Variants in QTGAL observed in about 807,000 individuals in gnomAD.
QTGAL encodes BGnT-like protein 1.
the QTGAL span, among the ~76,000 whole-genome samples, chr17:82,952,958 A>C: frequency 6.6e-6 from 1 of 152,232 alleles, no homozygotes; most frequent in Non-Finnish European, 1.5e-5. Context: ...GTAAATAACA[A>C]AATTAAGGCA....
the QTGAL span, among the ~76,000 whole-genome samples, chr17:83,015,195 G>A: frequency 6.7e-6 from 1 of 148,946 alleles, no homozygotes; most frequent in Non-Finnish European, 1.5e-5. This position sits in a 1 kb window ranked among gnomAD's most constrained non-coding sequence, Gnocchi z 4.4. Context: ...CTGTGGAGGG[G>A]GACCATCTGC....
chr17:82,970,583 G>A, the QTGAL span, among the ~76,000 whole-genome samples: 859 of 132,220 alleles, frequency 6.5e-3, 122 homozygotes, highest in Middle Eastern at 0.022. Context: ...CGGCGTGGCC[G>A]CGACCTCCGC....
chr17:83,041,875 A>C, the QTGAL span, among the ~76,000 whole-genome samples: 3 of 152,260 alleles, frequency 2.0e-5, no homozygotes, highest in Non-Finnish European at 4.4e-5. Flanking sequence ...GTCATCTTTC[A>C]AAAATGAAGA....
chr17:82,994,641 T>C, the QTGAL span, among the ~76,000 whole-genome samples: 1 of 152,120 alleles, frequency 6.6e-6, no homozygotes, highest in South Asian at 2.1e-4. Flanking sequence ...ATACCAATCC[T>C]ACCCAAATTA....
the QTGAL span, among the ~76,000 whole-genome samples, chr17:82,975,829 T>C: frequency 2.8e-4 from 22 of 77,746 alleles, 2 homozygotes; most frequent in African/African-American, 7.9e-5. Context: ...AGGCCACTTA[T>C]GGGGAAACAG....
the QTGAL span, among the ~76,000 whole-genome samples, chr17:83,050,836 C>T: frequency 1.3e-5 from 2 of 150,816 alleles, no homozygotes; most frequent in Non-Finnish European, 3.0e-5. Flanking sequence ...GTGTGGGATG[C>T]GCAGGCAGGT....
At chr17:82,978,661 CTTAG>C in the QTGAL span, 4 of 152,122 alleles carry the variant, frequency 2.6e-5, no homozygotes, top group African/African-American at 9.7e-5. The surrounding 1 kb of genome is among the most constrained non-coding windows in gnomAD (Gnocchi z 4.8). Context: ...CTGTATTTTT[CTTAG>C]TTAATTTACT....
chr17:82,964,029 G>GGGGC, the QTGAL span, among the ~76,000 whole-genome samples: 46 of 143,840 alleles, frequency 3.2e-4, no homozygotes, highest in African/African-American at 1.1e-3. Flanking sequence ...GGCTGAGGTC[G>GGGGC]GGGGGGTGGA....
the QTGAL span, among the ~76,000 whole-genome samples, chr17:83,036,003 G>A: frequency 1.3e-5 from 2 of 152,212 alleles, no homozygotes; most frequent in African/African-American, 4.8e-5. Context: ...TCTCTGTGAT[G>A]AGCTGAATGT....
At chr17:83,014,525 G>A in the QTGAL span, 51 of 1,613,866 alleles carry the variant, frequency 3.2e-5, no homozygotes, top group Non-Finnish European at 4.2e-5. Context: ...TCATCCTGCA[G>A]TAAAGAACAC....
At chr17:82,981,839 C>T in the QTGAL span, 1 of 152,244 alleles carries the variant, frequency 6.6e-6, no homozygotes, top group East Asian at 1.9e-4. Context: ...TTGTCCTGTA[C>T]ATTCTGTACG....
the QTGAL span, among the ~76,000 whole-genome samples, chr17:82,985,152 C>T: frequency 3.3e-5 from 5 of 152,234 alleles, no homozygotes; most frequent in African/African-American, 1.2e-4. Context: ...ACAACTTTCA[C>T]CTTTCGGTTT....
chr17:83,009,247 C>A, the QTGAL span, among the ~76,000 whole-genome samples: 2 of 151,966 alleles, frequency 1.3e-5, no homozygotes, highest in Non-Finnish European at 2.9e-5. Flanking sequence ...CATGGTGAAA[C>A]CCTATCTCTA....
the QTGAL span, among the ~76,000 whole-genome samples, chr17:83,046,779 C>G: frequency 4.6e-5 from 7 of 152,180 alleles, no homozygotes; most frequent in Non-Finnish European, 1.0e-4. Flanking sequence ...CACAAATGTT[C>G]AGACTGTCAT....
At chr17:82,986,634 A>C in the QTGAL span, among the ~76,000 whole-genome samples, 207 of 152,366 alleles carry the variant, frequency 1.4e-3, 1 homozygote, top group African/African-American at 4.6e-3. Context: ...GCGGAAAGCA[A>C]AGCTCATCAA....
chr17:83,029,313 C>T, the QTGAL span, among the ~76,000 whole-genome samples: 3 of 152,152 alleles, frequency 2.0e-5, no homozygotes, highest in African/African-American at 4.8e-5. Flanking sequence ...TTAAAAGTTC[C>T]AGAATACTAC....
chr17:82,953,383 C>T, the QTGAL span, among the ~76,000 whole-genome samples: 2 of 152,124 alleles, frequency 1.3e-5, no homozygotes, highest in South Asian at 4.1e-4. Context: ...ATACTATAAA[C>T]ACCTCTATGC....
At chr17:83,029,010 A>T in the QTGAL span, among the ~76,000 whole-genome samples, 1 of 152,190 alleles carries the variant, frequency 6.6e-6, no homozygotes, top group Non-Finnish European at 1.5e-5. Flanking sequence ...GTACGCATGA[A>T]ATTCAAGAGC....
the QTGAL span, among the ~76,000 whole-genome samples, chr17:83,040,700 C>T: frequency 1.3e-5 from 2 of 152,254 alleles, no homozygotes; most frequent in East Asian, 3.9e-4. Flanking sequence ...GAATTCTATA[C>T]CCAGCCAATC....
Sources: allele counts gnomAD v4.1 joint callset (sites outside exome capture counted in the v4.1 genomes callset), GRCh38; gene constraint gnomAD v4.1.1; non-coding constraint Gnocchi (gnomAD v3.1); transcripts MANE v1.5; gene names NCBI Gene and HGNC (gene_info 2026-07-23, HGNC 2026-07-21).